Variants in MAGI2 observed in about 807,000 individuals in gnomAD.
The protein encoded by MAGI2 is membrane associated guanylate kinase, WW and PDZ domain containing 2, also known as membrane-associated guanylate kinase, WW and PDZ domain-containing protein 2.
Under a neutral mutation model 133.3 loss-of-function variants are expected in MAGI2, and 35 were observed. The ratio of observed to expected loss-of-function variants is 0.26; its 90% CI spans 0.20 to 0.35. The LOEUF is 0.35. MAGI2 is among the 10% of genes least tolerant of loss of function. MAGI2 has a pLI of 1.00. For synonymous variants in MAGI2, 729 were observed against 710.6 expected (o/e 1.03, Z -0.41); for missense variants, 1,636 against 1,863.4 (o/e 0.88, Z 2.25).
chr7:79,260,054 A>G (rs1255443902), intron 1 of MAGI2, among the ~76,000 whole-genome samples: 1 of 152,200 alleles, frequency 6.6e-6, no homozygotes. Context: ...ATTTTCAATT[A>G]TTTGCAAGTG....
intron 7 of MAGI2, among the ~76,000 whole-genome samples, chr7:78,368,696 G>A (rs1269762334): frequency 3.3e-5 from 5 of 151,782 alleles, no homozygotes; most frequent in African/African-American, 4.8e-5. Context: ...CCAATGTACC[G>A]AAAGAATACT....
intron 5 of MAGI2, among the ~76,000 whole-genome samples, chr7:78,494,064 C>A (rs904411559): frequency 6.6e-5 from 10 of 152,176 alleles, no homozygotes; most frequent in African/African-American, 2.4e-4. Flanking sequence ...GCCACCTCCA[C>A]CCCCTGGGAT....
At chr7:78,959,078 C>T (rs1802639427) in intron 2 of MAGI2, among the ~76,000 whole-genome samples, 1 of 152,090 alleles carries the variant, frequency 6.6e-6, no homozygotes, top group Admixed American at 6.6e-5. Flanking sequence ...TCAATATGTC[C>T]ATGCACAACT....
intron 9 of MAGI2, among the ~76,000 whole-genome samples, chr7:78,313,166 G>A (rs1798862751): frequency 6.6e-6 from 1 of 152,018 alleles, no homozygotes; most frequent in Admixed American, 6.6e-5. Context: ...CTTAGAAAGT[G>A]TAATGGTAGA....
chr7:78,362,891 C>T (rs565895876), intron 7 of MAGI2, among the ~76,000 whole-genome samples: 1 of 152,174 alleles, frequency 6.6e-6, no homozygotes, highest in Non-Finnish European at 1.5e-5. Flanking sequence ...ATCAGCATCG[C>T]TTCGACCTTA....
At chr7:78,130,705 T>C (rs1821478895) in intron 18 of MAGI2, among the ~76,000 whole-genome samples, 1 of 152,150 alleles carries the variant, frequency 6.6e-6, no homozygotes, top group Non-Finnish European at 1.5e-5. Context: ...AATATAGTAA[T>C]GGAAGCAAAA....
At chr7:78,082,165 C>T (rs1055000432) in intron 20 of MAGI2, among the ~76,000 whole-genome samples, 12 of 152,132 alleles carry the variant, frequency 7.9e-5, no homozygotes, top group African/African-American at 1.4e-4. Flanking sequence ...GAAATAGTCC[C>T]GTCTTTTGAC....
At position 78,404,024 on chromosome 7, in the gene MAGI2, GACAA is replaced by G. The variant is rs1264103501; in HGVS notation, c.1046-34815_1046-34812del. 9.2e-5 allele frequency among the ~76,000 whole-genome samples: 14 copies of G among 152,188 alleles called. No homozygotes were observed. In the East Asian group the frequency reaches 1.2e-3, roughly 13 times the overall value. The stretch of plus-strand genomic sequence containing the variant: ...CAAGCATTCCTATACACCAATAACA[GACAA>G]ACAGAGAGCCAAATCATTAGTGAAT... On this transcript the variant is annotated intron_variant, in intron 6 of 21. Transcript: ENST00000354212.
At chr7:79,369,226 A>C (rs1157048255) in intron 1 of MAGI2, among the ~76,000 whole-genome samples, 1 of 152,160 alleles carries the variant, frequency 6.6e-6, no homozygotes, top group African/African-American at 2.4e-5. Context: ...CCAGTGAATA[A>C]AGACAAGAGC....
chr7:78,586,323 G>A (rs1193641600), intron 3 of MAGI2, among the ~76,000 whole-genome samples: 1 of 152,126 alleles, frequency 6.6e-6, no homozygotes, highest in East Asian at 1.9e-4. Context: ...AGAAAAGACT[G>A]TGGACTTAGA....
intron 1 of MAGI2, among the ~76,000 whole-genome samples, chr7:79,423,350 C>G (rs867958174): frequency 5.9e-5 from 9 of 151,868 alleles, no homozygotes; most frequent in African/African-American, 1.7e-4. Context: ...AGCAATTTGC[C>G]CCAGATCCAA....
chr7:78,946,163 T>A (rs1801401498), intron 2 of MAGI2, among the ~76,000 whole-genome samples: 1 of 152,194 alleles, frequency 6.6e-6, no homozygotes, highest in African/African-American at 2.4e-5. Flanking sequence ...TTAATATAAT[T>A]GTTAGTTAGC....
chr7:78,398,607 T>C (rs1796573606), intron 6 of MAGI2, among the ~76,000 whole-genome samples: 2 of 152,154 alleles, frequency 1.3e-5, no homozygotes, highest in Admixed American at 1.3e-4. Context: ...ATAAATCTTC[T>C]ATAACCCAGG....
chr7:78,501,492 T>TTC, intron 5 of MAGI2, 85 bp downstream of exon 5: 1 of 1,193,856 alleles, frequency 8.4e-7, no homozygotes, highest in Non-Finnish European at 1.2e-6. Context: ...TTCTTTTTTT[T>TTC]TTTTTTTCCA....
chr7:78,567,340 C>T (rs544710954), intron 3 of MAGI2, among the ~76,000 whole-genome samples: 1 of 151,842 alleles, frequency 6.6e-6, no homozygotes, highest in Admixed American at 6.6e-5. Flanking sequence ...AAAGATGCAG[C>T]CATACCTTCC....
chr7:78,582,101 G>A (rs1189547570), intron 3 of MAGI2, among the ~76,000 whole-genome samples: 1 of 152,196 alleles, frequency 6.6e-6, no homozygotes, highest in Admixed American at 6.5e-5. Context: ...TTTCTCAGAT[G>A]CAAAGGTACC....
At chr7:78,342,210 A>G (rs1790457974) in intron 9 of MAGI2, among the ~76,000 whole-genome samples, 1 of 152,240 alleles carries the variant, frequency 6.6e-6, no homozygotes, top group South Asian at 2.1e-4. Flanking sequence ...AAAAAGGCTC[A>G]TCATCACTGG....
At chr7:78,584,707 C>T (rs1438333259) in intron 3 of MAGI2, among the ~76,000 whole-genome samples, 1 of 152,100 alleles carries the variant, frequency 6.6e-6, no homozygotes, top group East Asian at 1.9e-4. Flanking sequence ...ACCTTATAAG[C>T]CCTGCACTGA....
chr7:78,528,230 T>C (rs1056399755), intron 3 of MAGI2, among the ~76,000 whole-genome samples: 1 of 152,200 alleles, frequency 6.6e-6, no homozygotes, highest in African/African-American at 2.4e-5. Flanking sequence ...GCTTGGCCTC[T>C]TTAATAGCAC....
Sources: gnomAD v4.1 joint callset for allele counts (sites outside exome capture counted in the v4.1 genomes callset) on GRCh38, gnomAD v4.1.1 for gene constraint, MANE v1.5 for transcripts, NCBI Gene and HGNC (gene_info 2026-07-23, HGNC 2026-07-21) for gene names.